The following ZMYND11 variants were observed in gnomAD, a reference collection of about 807,000 sequenced individuals.
ZMYND11 encodes zinc finger MYND domain-containing protein 11.
ZMYND11 carries 9 observed loss-of-function variants against 84.9 expected under a neutral mutation model. The ratio of observed to expected loss-of-function variants is 0.11; its 90% CI spans 0.06 to 0.18. ZMYND11 has a LOEUF of 0.18. Ranked by LOEUF, ZMYND11 falls within the 10% of genes least tolerant of loss-of-function variation. ZMYND11 has a pLI of 1.00. For synonymous variants in ZMYND11, 250 were observed against 244.1 expected (o/e 1.02, Z -0.23); for missense variants, 409 against 761.0 (o/e 0.54, Z 5.44).
At chr10:215,469 A>G (rs1174695503) in intron 3 of ZMYND11, among the ~76,000 whole-genome samples, 1 of 152,076 alleles carries the variant, frequency 6.6e-6, no homozygotes, top group Non-Finnish European at 1.5e-5. Flanking sequence ...AAGTCCTTCT[A>G]CCGGTATGTT....
At chr10:186,642 CAAAAAAAAAAAAAAAAAAAAAAAAAAA>C (rs56345833) in intron 2 of ZMYND11, among the ~76,000 whole-genome samples, 1 of 95,156 alleles carries the variant, frequency 1.1e-5, no homozygotes, top group Non-Finnish European at 2.1e-5. Flanking sequence ...AGGACTCTCT[CAAAAAAAAAAAAAAAAAAAAAAAAAAA>C]AAAAAAAAAA....
intron 4 of ZMYND11, among the ~76,000 whole-genome samples, chr10:224,104 T>A (rs576797655): frequency 6.6e-6 from 1 of 152,206 alleles, no homozygotes; most frequent in African/African-American, 2.4e-5. Flanking sequence ...AGCCCTTTTC[T>A]AAGAGTTTGC....
chr10:200,390 ATATAT>A (rs1490343039), intron 2 of ZMYND11, among the ~76,000 whole-genome samples: 3 of 146,308 alleles, frequency 2.1e-5, no homozygotes, highest in Admixed American at 1.4e-4. Context: ...ATATAACAAT[ATATAT>A]TATATATACA....
chr10:234,344 T>C (rs1023338819), intron 4 of ZMYND11, among the ~76,000 whole-genome samples: 3 of 152,214 alleles, frequency 2.0e-5, no homozygotes, highest in African/African-American at 7.2e-5. Flanking sequence ...CCACTGTCAC[T>C]ACTCAAGGGA....
chr10:188,121 C>T (rs995080009), intron 2 of ZMYND11, among the ~76,000 whole-genome samples: 5 of 151,996 alleles, frequency 3.3e-5, no homozygotes, highest in African/African-American at 7.3e-5. Flanking sequence ...GAATAGGTAT[C>T]ATAATAAACT....
intron 4 of ZMYND11, among the ~76,000 whole-genome samples, chr10:234,545 G>C (rs780081986): frequency 2.6e-5 from 4 of 152,152 alleles, no homozygotes; most frequent in Non-Finnish European, 5.9e-5. Context: ...AGTATTACAA[G>C]ACTTCTAACC....
At chr10:189,212 C>T (rs557178677) in intron 2 of ZMYND11, among the ~76,000 whole-genome samples, 5 of 152,292 alleles carry the variant, frequency 3.3e-5, no homozygotes, top group Non-Finnish European at 5.9e-5. Flanking sequence ...TATACATAAA[C>T]GCAAACTGTA....
intron 1 of ZMYND11, among the ~76,000 whole-genome samples, chr10:143,181 A>T (rs1837884371): frequency 6.6e-6 from 1 of 152,200 alleles, no homozygotes; most frequent in African/African-American, 2.4e-5. Flanking sequence ...ATCTAACATA[A>T]AATAATACCA....
intron 2 of ZMYND11, among the ~76,000 whole-genome samples, chr10:181,877 A>G (rs1847957487): frequency 6.6e-6 from 1 of 152,232 alleles, no homozygotes; most frequent in South Asian, 2.1e-4. Context: ...TGATAACTAC[A>G]TGCAAATGAT....
chr10:134,393 C>T (rs1331620369), upstream of ZMYND11: 2 of 152,196 alleles, frequency 1.3e-5, no homozygotes, highest in African/African-American at 4.8e-5. Flanking sequence ...TATCTCCGAA[C>T]CTTTCTTAAA....
At position 197,284 on chromosome 10, in the gene ZMYND11, C is replaced by T. The variant is rs543759439; in HGVS notation, c.117-12605C>T. On this transcript the variant is annotated intron_variant, in intron 2 of 14. Transcript: ENST00000381604. ...TGCTTTTAGTTCATGTGTGTGCCCA[C>T]GTGCGCATTGTATTCATGTATGTGT... 9.2e-5 allele frequency among the ~76,000 whole-genome samples: 14 copies of T among 152,140 alleles called. No homozygotes were observed. In the East Asian group the frequency reaches 1.5e-3, roughly 17 times the overall value.
intron 1 of ZMYND11, among the ~76,000 whole-genome samples, chr10:137,985 T>G (rs537153012): frequency 2.6e-5 from 4 of 152,322 alleles, no homozygotes; most frequent in African/African-American, 7.2e-5. Flanking sequence ...AATTTATTTT[T>G]GCAATTACCA....
chr10:252,645 GT>G lies in ZMYND11; in HGVS notation c.*180del. ...AATCTTTTGTTAATGCTCCTCCGAA[GT>G]TTTTCAGGGGGTAAAAGTAACATCA... On this transcript the variant is annotated 3_prime_UTR_variant, in exon 15 of 15. Coordinates refer to ENST00000381604, the MANE Select transcript of ZMYND11 (RefSeq NM_001370100.5). This position sits in a 1 kb window ranked among gnomAD's most constrained non-coding sequence, Gnocchi z 4.6. 1 of 685,028 alleles carries G rather than the reference GT, an allele frequency of 1.5e-6. No homozygotes were observed. The highest frequency in any genetic ancestry group is 3.3e-5 in the East Asian group (1 of 30,712). The allele number at this position is 685,028 out of a possible 1,614,324, so 42.4% of individuals were successfully genotyped here.
intron 1 of ZMYND11, among the ~76,000 whole-genome samples, chr10:157,831 A>G (rs1842055467): frequency 6.6e-6 from 1 of 152,172 alleles, no homozygotes; most frequent in Non-Finnish European, 1.5e-5. Context: ...GAGCATTTTC[A>G]CTACCCCAAA....
chr10:202,548 T>G (rs1360352685), intron 2 of ZMYND11, among the ~76,000 whole-genome samples: 1 of 152,096 alleles, frequency 6.6e-6, no homozygotes, highest in Non-Finnish European at 1.5e-5. Flanking sequence ...GAAAACAAAG[T>G]TATTGACTCC....
Position 180,144 on chromosome 10 carries a change from C to T in ZMYND11, c.116+16C>T, listed in dbSNP as rs1213402021. 1 of 1,587,412 alleles carries T rather than the reference C, an allele frequency of 6.3e-7. No homozygotes were observed. ...GTATTACAAAGTAAGTAAATTTAAACACAAATATCTCTGTAAAATGTCGTA... is the reference window on the plus strand; with the variant it reads ...GTATTACAAAGTAAGTAAATTTAAATACAAATATCTCTGTAAAATGTCGTA... On this transcript the variant is annotated intron_variant, in intron 2 of 14. Transcript: ENST00000381604.
At chr10:161,145 G>A (rs1296268689) in intron 1 of ZMYND11, among the ~76,000 whole-genome samples, 1 of 151,958 alleles carries the variant, frequency 6.6e-6, no homozygotes, top group East Asian at 1.9e-4. Flanking sequence ...TTCTTGATCA[G>A]TGGGCTGCAG....
intron 1 of ZMYND11, among the ~76,000 whole-genome samples, chr10:152,014 C>T (rs1840493433): frequency 1.3e-5 from 2 of 152,160 alleles, no homozygotes; most frequent in South Asian, 4.1e-4. Context: ...CAAGCAAATG[C>T]TGAGAGATTT....
intron 1 of ZMYND11, among the ~76,000 whole-genome samples, chr10:154,276 C>A (rs146902180): frequency 6.6e-6 from 1 of 152,106 alleles, no homozygotes; most frequent in Non-Finnish European, 1.5e-5. Flanking sequence ...AACAAAAGCT[C>A]GTCTAATACA....
Sources: gnomAD v4.1 joint callset for allele counts (sites outside exome capture counted in the v4.1 genomes callset) on GRCh38, gnomAD v4.1.1 for gene constraint, Gnocchi (gnomAD v3.1) non-coding constraint, MANE v1.5 for transcripts, NCBI Gene and HGNC (gene_info 2026-07-23, HGNC 2026-07-21) for gene names.